POLA2: variants seen among roughly 807,000 people sequenced by gnomAD.
The protein encoded by POLA2 is DNA polymerase alpha 2, accessory subunit.
Under a neutral mutation model 82.8 loss-of-function variants are expected in POLA2, and 47 were observed. That is an observed-to-expected ratio of 0.57 (90% CI 0.45 to 0.72). The LOEUF (loss-of-function observed/expected upper bound fraction) is 0.72, where lower values mean the gene tolerates loss of function less well. Ranked by LOEUF, POLA2 falls within the 30% of genes least tolerant of loss-of-function variation. The pLI is 0.00. For missense variants in POLA2, 634 were observed against 728.1 expected, an observed-to-expected ratio of 0.87 and a Z score of 1.49; for synonymous variants, 287 against 286.8, an observed-to-expected ratio of 1.00 and a Z score of -0.01.
At chr11:65,267,450 C>G in intron 2 of POLA2, 27 bp from the exon 3 acceptor site, 2 of 1,419,382 alleles carry the variant, frequency 1.4e-6, no homozygotes, top group Non-Finnish European at 2.0e-6. Context: ...CTATGAAGTA[C>G]TGTATTCACT....
intron 10 of POLA2, among the ~76,000 whole-genome samples, chr11:65,284,617 C>T (rs1481368071): frequency 3.3e-5 from 5 of 151,978 alleles, no homozygotes; most frequent in Non-Finnish European, 5.9e-5. Context: ...CCTCCACCTC[C>T]CGGGTTCAAG....
intron 1 of POLA2, 139 bp from the exon 2 acceptor site, chr11:65,266,443 C>A: frequency 1.2e-6 from 1 of 815,482 alleles, no homozygotes; most frequent in Non-Finnish European, 1.9e-6. Context: ...CTTCTGTTTT[C>A]TCATTGCCCA....
At chr11:65,283,299 A>C (rs1310753153) in intron 10 of POLA2, among the ~76,000 whole-genome samples, 11 of 152,106 alleles carry the variant, frequency 7.2e-5, no homozygotes, top group African/African-American at 2.7e-4. Context: ...AGAATCCAGG[A>C]ATTTAGTTAA....
downstream of POLA2, among the ~76,000 whole-genome samples, chr11:65,301,999 G>C (rs933456870): frequency 3.9e-5 from 6 of 152,130 alleles, no homozygotes; most frequent in Non-Finnish European, 1.5e-5. Context: ...GCCTCTTCCC[G>C]GGGCTCTAGG....
In POLA2 at chr11:65,294,138, C is replaced by G. The variant is rs1474744985; in HGVS notation, c.1245-15C>G. ...CACTTTTCTCACTCTTCTGTTTGTTCTTTTGCCATACTAGCTCCGGCTCCC... is the reference window on the plus strand; with the variant it reads ...CACTTTTCTCACTCTTCTGTTTGTTGTTTTGCCATACTAGCTCCGGCTCCC... On this transcript the variant is annotated splice_polypyrimidine_tract_variant and intron_variant, in intron 13 of 17. Transcript: ENST00000265465. The G allele has an allele frequency of 1.9e-6, 3 of 1,607,436 alleles. No homozygotes were observed. The highest frequency in any genetic ancestry group is 2.6e-6 in the Non-Finnish European group (3 of 1,174,032).
chr11:65,294,948 C>CT lies in POLA2; in HGVS notation c.1460+304dup, dbSNP rs916383807. Among the ~76,000 whole-genome samples the CT allele has an allele frequency of 4.4e-4, 67 of 152,140 alleles. 2 individuals are homozygous for CT. Among genetic ancestry groups the CT allele is most frequent in the Admixed American group, 4.4e-3 (67 of 15,276 alleles). On this transcript the variant is annotated intron_variant, in intron 15 of 17. Coordinates refer to ENST00000265465, the MANE Select transcript of POLA2 (RefSeq NM_002689.4). ...CATCTACATTTTCTTTTCTGCTCCC[C>CT]TTTTTTTTCATTTCCCAAATTTGTG...
intron 6 of POLA2, 72 bp from the exon 7 acceptor site, chr11:65,279,466 G>A: frequency 1.1e-6 from 1 of 930,320 alleles, no homozygotes; most frequent in South Asian, 1.5e-5. Context: ...ATTTTACAAT[G>A]TGCTGTATTT....
chr11:65,292,310 G>C (rs769441885), intron 13 of POLA2, among the ~76,000 whole-genome samples: 1 of 152,228 alleles, frequency 6.6e-6, no homozygotes, highest in African/African-American at 2.4e-5. Flanking sequence ...TCCTGTTTGC[G>C]GGAGCAGCTG....
chr11:65,300,239 A>G (rs1949852243), downstream of POLA2, among the ~76,000 whole-genome samples: 1 of 151,250 alleles, frequency 6.6e-6, no homozygotes, highest in African/African-American at 2.4e-5. Context: ...CTTGTCACCC[A>G]GGCTGGAGTG....
At position 65,281,135 on chromosome 11, in the gene POLA2, G is replaced by A. The variant is rs1369221133; in HGVS notation, c.888G>A (p.Leu296=). ...TATCTGAGCTTAAGGAATATTCTCTGTTTCCTGGACAGGTGAGATTGGAGG... is the reference window on the plus strand; with the variant it reads ...TATCTGAGCTTAAGGAATATTCTCTATTTCCTGGACAGGTGAGATTGGAGG... The part of the protein sequence containing the change: ...VDLSELKEYS[L]FPGQVVIMEG... The change falls in exon 8 of 18, where the codon CTG becomes CTA. Residue 296 remains leucine (L), a synonymous_variant. Transcript: ENST00000265465. 6.2e-7 allele frequency: 1 copy of A among 1,614,122 alleles called. No homozygotes were observed. Among genetic ancestry groups the A allele is most frequent in the South Asian group, 1.1e-5 (1 of 91,078 alleles).
chr11:65,295,785 G>A, intron 16 of POLA2, 79 bp from the exon 17 acceptor site: 4 of 1,540,766 alleles, frequency 2.6e-6, no homozygotes, highest in Non-Finnish European at 3.6e-6. Context: ...CAGCACGAAA[G>A]CCAGTACCTA....
At chr11:65,287,266 G>T (rs1392065889) in intron 10 of POLA2, among the ~76,000 whole-genome samples, 1 of 151,950 alleles carries the variant, frequency 6.6e-6, no homozygotes, top group Non-Finnish European at 1.5e-5. Context: ...CCCATTCCCC[G>T]GCCTGTCTTT....
intron 10 of POLA2, among the ~76,000 whole-genome samples, chr11:65,285,125 G>GC (rs1454168049): frequency 6.6e-6 from 1 of 151,958 alleles, no homozygotes; most frequent in Non-Finnish European, 1.5e-5. Context: ...CAAAAATTAG[G>GC]CCAGGCGCAG....
chr11:65,275,821 C>T (rs1949571334), intron 4 of POLA2, 71 bp from the exon 5 acceptor site: 1 of 791,100 alleles, frequency 1.3e-6, no homozygotes, highest in Admixed American at 2.5e-5. Flanking sequence ...CCTTTTCTTC[C>T]AAGGTACTAT....
intron 1 of POLA2, among the ~76,000 whole-genome samples, chr11:65,264,064 T>G (rs1198661285): frequency 2.0e-5 from 3 of 152,040 alleles, no homozygotes; most frequent in East Asian, 3.9e-4. Context: ...CCCTGTTTTT[T>G]TTGTTGTTGT....
downstream of POLA2, among the ~76,000 whole-genome samples, chr11:65,299,724 C>T (rs1398007423): frequency 6.6e-6 from 1 of 152,192 alleles, no homozygotes; most frequent in African/African-American, 2.4e-5. Context: ...CAGAGTCTCA[C>T]TCTGTCGTCC....
At position 65,287,813 on chromosome 11, in the gene POLA2, C is replaced by T; in HGVS notation, c.1104C>T (p.Asn368=). 1 of 1,613,872 alleles carries T rather than the reference C, an allele frequency of 6.2e-7. No homozygotes were observed. Among genetic ancestry groups the T allele is most frequent in the Non-Finnish European group, 8.5e-7 (1 of 1,179,934 alleles). ...DPLLDLIAVI[N]HDRPDVCILF... ...TGCTTGACCTGATTGCTGTCATCAACCATGACCGGCCAGATGTCTGCATCC... is the reference window on the plus strand; with the variant it reads ...TGCTTGACCTGATTGCTGTCATCAATCATGACCGGCCAGATGTCTGCATCC... The change falls in exon 11 of 18, where the codon AAC becomes AAT. Residue 368 remains asparagine (N), a synonymous_variant. Coordinates refer to ENST00000265465, the MANE Select transcript of POLA2 (RefSeq NM_002689.4).
At chr11:65,268,977 T>C (rs1452920404) in intron 4 of POLA2, among the ~76,000 whole-genome samples, 1 of 152,220 alleles carries the variant, frequency 6.6e-6, no homozygotes, top group Non-Finnish European at 1.5e-5. Context: ...TCTCCATAAT[T>C]GCCCTTTTTG....
intron 11 of POLA2, among the ~76,000 whole-genome samples, chr11:65,288,842 C>T (rs193020261): frequency 6.6e-6 from 1 of 152,306 alleles, no homozygotes; most frequent in Non-Finnish European, 1.5e-5. Flanking sequence ...TGGGAGCCTC[C>T]CTCCATCTGG....
Sources: allele counts gnomAD v4.1 joint callset (sites outside exome capture counted in the v4.1 genomes callset), GRCh38; gene constraint gnomAD v4.1.1; transcripts MANE v1.5; gene names NCBI Gene and HGNC (gene_info 2026-07-23, HGNC 2026-07-21).